Variants in EDC3 observed in about 807,000 individuals in gnomAD.
EDC3 encodes the protein enhancer of mRNA decapping 3.
EDC3 carries 20 observed loss-of-function variants against 41.8 expected under a neutral mutation model. The observed-to-expected ratio is 0.48, with a 90% CI of 0.34 to 0.70. EDC3 has a LOEUF of 0.70. Ranked by LOEUF, EDC3 falls within the 30% of genes least tolerant of loss-of-function variation. The pLI, the probability that EDC3 is intolerant of heterozygous loss-of-function variation, is 0.01. For synonymous variants in EDC3, 206 were observed against 243.2 expected (o/e 0.85, Z 1.42); for missense variants, 444 against 636.8 (o/e 0.70, Z 3.26).
chr15:74,671,467 G>A lies in EDC3; in HGVS notation c.472C>T (p.Arg158Trp), dbSNP rs2062736650. The A allele has an allele frequency of 6.2e-7, 1 of 1,609,104 alleles. No homozygotes were observed. The highest frequency in any genetic ancestry group is 1.1e-5 in the South Asian group (1 of 91,000). Residue 158 changes from arginine to tryptophan, a missense_variant, in exon 3 of 7, where the codon CGG (arginine) becomes TGG (tryptophan). Coordinates refer to ENST00000315127, the MANE Select transcript of EDC3 (RefSeq NM_025083.5). The surrounding 1 kb of genome is among the most constrained non-coding windows in gnomAD (Gnocchi z 4.6). ...SLSQSKSFRR[R>W]HNSWSSSSRH... ...TGACCCTACTTACAGGAGTTGTGCC[G>A]ACGACGGAAACTTTTGGACTGACTC...
chr15:74,639,773 T>G (rs2062325041), intron 5 of EDC3: 1 of 151,858 alleles, frequency 6.6e-6, no homozygotes, highest in Non-Finnish European at 1.5e-5. Context: ...TAATCACCAC[T>G]TGTTCGTCAG....
At chr15:74,690,317 G>A (rs2062992131) in intron 1 of EDC3, among the ~76,000 whole-genome samples, 1 of 152,174 alleles carries the variant, frequency 6.6e-6, no homozygotes, top group Non-Finnish European at 1.5e-5. Flanking sequence ...ATAAGTAATG[G>A]GACTTTATCA....
In EDC3 at chr15:74,671,821, G is replaced by C. The variant is rs928321229; in HGVS notation, c.165-47C>G. The C allele has an allele frequency of 1.3e-6, 2 of 1,568,646 alleles. No individual in the cohort carries two copies. Among genetic ancestry groups the C allele is most frequent in the Non-Finnish European group, 1.7e-6 (2 of 1,144,006 alleles). On this transcript the variant is annotated intron_variant, in intron 2 of 6. Coordinates refer to ENST00000315127, the MANE Select transcript of EDC3 (RefSeq NM_025083.5). The surrounding 1 kb of genome is among the most constrained non-coding windows in gnomAD (Gnocchi z 4.6). Reference sequence around the variant, plus strand: ...AGTCTCAAAATTATAATAGTGGTAAGAATGATGAAACTGAGATCATTAGCA... The same window carrying C: ...AGTCTCAAAATTATAATAGTGGTAACAATGATGAAACTGAGATCATTAGCA...
chr15:74,691,068 C>T (rs192452262), intron 1 of EDC3, among the ~76,000 whole-genome samples: 1 of 149,984 alleles, frequency 6.7e-6, no homozygotes, highest in Admixed American at 6.7e-5. Context: ...TGTTGGGAGG[C>T]GGAGGTTGCA....
At chr15:74,637,607 G>A (rs2062289645) in intron 5 of EDC3, 1 of 152,218 alleles carries the variant, frequency 6.6e-6, no homozygotes, top group African/African-American at 2.4e-5. Flanking sequence ...CAAATAGGAT[G>A]AGGGAGGTGG....
rs779787138 is a variant in EDC3 at position 74,632,909 on chromosome 15, G to A, written c.1230C>T (p.Cys410=). ...GGAAGACGTTCTCAGGGCAATCCAGGCAGTTGATGACCAGGTCCACAGGGC... is the reference window on the plus strand; with the variant it reads ...GGAAGACGTTCTCAGGGCAATCCAGACAGTTGATGACCAGGTCCACAGGGC... ...PTSPVDLVIN[C]LDCPENVFLR... The change falls in exon 7 of 7, where the codon TGC becomes TGT. Residue 410 remains cysteine, a synonymous_variant. Coordinates refer to ENST00000315127, the MANE Select transcript of EDC3 (RefSeq NM_025083.5). This position sits in a 1 kb window ranked among gnomAD's most constrained non-coding sequence, Gnocchi z 4.0. The A allele has an allele frequency of 1.2e-6, 2 of 1,614,220 alleles. No homozygotes were observed. The highest frequency in any genetic ancestry group is 1.7e-6 in the Non-Finnish European group (2 of 1,180,032).
intron 6 of EDC3, among the ~76,000 whole-genome samples, chr15:74,633,865 C>G (rs1347865252): frequency 1.3e-5 from 2 of 152,194 alleles, no homozygotes; most frequent in Non-Finnish European, 2.9e-5. Context: ...AGACTCACAA[C>G]TTCCTTGCTT....
At position 74,632,569 on chromosome 15, in the gene EDC3, G is replaced by C; in HGVS notation, c.*43C>G. ...CATATCCTTAAGGCGTTTGTTATCA[G>C]GAGCAGCAGGGGACAGCAGAGTCCT... is the stretch of plus-strand genomic sequence containing the variant. On this transcript the variant is annotated 3_prime_UTR_variant, in exon 7 of 7. Transcript: ENST00000315127. The surrounding 1 kb of genome is among the most constrained non-coding windows in gnomAD (Gnocchi z 4.0). 2 of 1,590,430 alleles carry C rather than the reference G, an allele frequency of 1.3e-6. No individual in the cohort carries two copies. Among genetic ancestry groups the C allele is most frequent in the Non-Finnish European group, 1.7e-6 (2 of 1,163,970 alleles).
At chr15:74,635,190 T>C in intron 6 of EDC3, 1 of 695,814 alleles carries the variant, frequency 1.4e-6, no homozygotes, top group Non-Finnish European at 2.6e-6. Context: ...ATTTGTGGAA[T>C]GGACCAATGG....
chr15:74,687,415 C>T (rs2141681641), intron 1 of EDC3, among the ~76,000 whole-genome samples: 1 of 152,262 alleles, frequency 6.6e-6, no homozygotes, highest in South Asian at 2.1e-4. Flanking sequence ...GCTCTGTCGC[C>T]CAGGCTAGAG....
intron 4 of EDC3, among the ~76,000 whole-genome samples, chr15:74,655,149 A>G (rs1398166260): frequency 6.6e-6 from 1 of 152,248 alleles, no homozygotes; most frequent in African/African-American, 2.4e-5. Flanking sequence ...AAAAGAAACA[A>G]TAATCACTGA....
At chr15:74,649,254 A>G (rs2062453311) in intron 4 of EDC3, among the ~76,000 whole-genome samples, 1 of 151,092 alleles carries the variant, frequency 6.6e-6, no homozygotes, top group Admixed American at 6.6e-5. Context: ...TATTTTTAGT[A>G]GAGACGGGGT....
At chr15:74,653,307 C>G (rs979143885) in intron 4 of EDC3, among the ~76,000 whole-genome samples, 1 of 152,008 alleles carries the variant, frequency 6.6e-6, no homozygotes, top group African/African-American at 2.4e-5. Context: ...GACTGTTTCC[C>G]TATATATTCT....
intron 4 of EDC3, among the ~76,000 whole-genome samples, chr15:74,646,230 G>A (rs766920455): frequency 3.3e-5 from 5 of 151,850 alleles, no homozygotes; most frequent in Admixed American, 6.6e-5. Context: ...GCACCACCAC[G>A]CCCAGCTAAT....
At chr15:74,634,649 T>C (rs532458539) in intron 6 of EDC3, among the ~76,000 whole-genome samples, 1 of 152,258 alleles carries the variant, frequency 6.6e-6, no homozygotes, top group East Asian at 1.9e-4. Context: ...CCAACTCTTC[T>C]CTTTCTCCCA....
intron 1 of EDC3, among the ~76,000 whole-genome samples, chr15:74,694,346 T>A (rs1282936838): frequency 1.3e-5 from 2 of 152,186 alleles, no homozygotes; most frequent in Non-Finnish European, 2.9e-5. Context: ...TTAGTTCTTG[T>A]TGCCCAGGCT....
At chr15:74,694,306 T>TTTTTC (rs536372681) in intron 1 of EDC3, among the ~76,000 whole-genome samples, 2 of 151,932 alleles carry the variant, frequency 1.3e-5, no homozygotes, top group East Asian at 1.9e-4. Flanking sequence ...TAGTCTAATA[T>TTTTTC]TTTTCTTTTC....
intron 6 of EDC3, among the ~76,000 whole-genome samples, chr15:74,633,762 T>C (rs1172067811): frequency 6.6e-6 from 1 of 152,164 alleles, no homozygotes; most frequent in African/African-American, 2.4e-5. Flanking sequence ...AAGAACTGCC[T>C]GGAAGGGGGC....
At chr15:74,649,449 T>C (rs2062455735) in intron 4 of EDC3, among the ~76,000 whole-genome samples, 1 of 152,134 alleles carries the variant, frequency 6.6e-6, no homozygotes, top group African/African-American at 2.4e-5. Flanking sequence ...TTTACATATT[T>C]GGTTCAGTTA....
Sources: gnomAD v4.1 joint callset for allele counts (sites outside exome capture counted in the v4.1 genomes callset) on GRCh38, gnomAD v4.1.1 for gene constraint, Gnocchi (gnomAD v3.1) non-coding constraint, MANE v1.5 for transcripts, NCBI Gene and HGNC (gene_info 2026-07-23, HGNC 2026-07-21) for gene names.